Variants in BIVM observed in about 807,000 individuals in gnomAD.
The protein encoded by BIVM is basic, immunoglobulin-like variable motif containing, also known as basic immunoglobulin-like variable motif-containing protein.
In BIVM, 31 loss-of-function variants were observed where a neutral mutation model predicts 61.4. The ratio of observed to expected loss-of-function variants is 0.51; its 90% CI spans 0.38 to 0.68. BIVM has a LOEUF of 0.68. BIVM is among the 30% of genes least tolerant of loss of function. BIVM has a pLI of 0.00. For synonymous variants in BIVM, 189 were observed against 210.7 expected (o/e 0.90, Z 0.89); for missense variants, 526 against 596.0 (o/e 0.88, Z 1.22).
intron 8 of BIVM, among the ~76,000 whole-genome samples, chr13:102,833,819 C>A (rs148597199): frequency 1.1e-4 from 17 of 152,302 alleles, no homozygotes; most frequent in Admixed American, 1.1e-3. Context: ...CTTTATTCAT[C>A]TTTCTGGAGG....
At chr13:102,808,165 T>G (rs984810270) in intron 3 of BIVM, among the ~76,000 whole-genome samples, 13 of 152,182 alleles carry the variant, frequency 8.5e-5, no homozygotes, top group African/African-American at 3.1e-4. Flanking sequence ...TTGTTAAAAT[T>G]TTTTAGGCAC....
At chr13:102,831,040 T>C (rs1881030440) in intron 7 of BIVM, among the ~76,000 whole-genome samples, 1 of 152,244 alleles carries the variant, frequency 6.6e-6, no homozygotes, top group African/African-American at 2.4e-5. Context: ...TTTATTCATA[T>C]ACATCAGTAG....
chr13:102,818,648 C>T (rs1014569320), intron 4 of BIVM, among the ~76,000 whole-genome samples: 2 of 152,010 alleles, frequency 1.3e-5, no homozygotes, highest in African/African-American at 2.4e-5. Context: ...GGAGAAATGC[C>T]CTGAGGGGAA....
chr13:102,834,954 T>G (rs1038652310), intron 9 of BIVM, among the ~76,000 whole-genome samples: 1 of 152,238 alleles, frequency 6.6e-6, no homozygotes, highest in African/African-American at 2.4e-5. Flanking sequence ...TTTTCCATTT[T>G]CCTGTTGATG....
At chr13:102,831,055 T>C (rs889264221) in intron 7 of BIVM, among the ~76,000 whole-genome samples, 2 of 152,252 alleles carry the variant, frequency 1.3e-5, no homozygotes, top group Non-Finnish European at 2.9e-5. Context: ...CAGTAGTTTT[T>C]TAAGTTGGGA....
At chr13:102,818,650 T>G (rs1299168663) in intron 4 of BIVM, among the ~76,000 whole-genome samples, 1 of 152,192 alleles carries the variant, frequency 6.6e-6, no homozygotes, top group Non-Finnish European at 1.5e-5. Context: ...AGAAATGCCC[T>G]GAGGGGAAAA....
intron 9 of BIVM, among the ~76,000 whole-genome samples, chr13:102,835,312 C>T (rs964143199): frequency 2.0e-5 from 3 of 152,018 alleles, no homozygotes; most frequent in Non-Finnish European, 2.9e-5. Context: ...ATCTGGGTGA[C>T]AGAACGAGAT....
In BIVM at chr13:102,799,712, C is replaced by G. The variant is rs112067426; in HGVS notation, c.-207+191C>G. Among the ~76,000 whole-genome samples, 195 of 152,366 alleles carry G rather than the reference C, an allele frequency of 1.3e-3. 2 individuals are homozygous for G. Among genetic ancestry groups the G allele is most frequent in the African/African-American group, 4.5e-3 (188 of 41,590 alleles). ...GCCAGGGGTCATCGCCTCTCCGAGCCCCGTGGCGTCCAGATGGAGGCCACT... is the reference window on the plus strand; with the variant it reads ...GCCAGGGGTCATCGCCTCTCCGAGCGCCGTGGCGTCCAGATGGAGGCCACT... On this transcript the variant is annotated intron_variant, in intron 1 of 10. Coordinates refer to ENST00000257336, the MANE Select transcript of BIVM (RefSeq NM_017693.4).
intron 3 of BIVM, among the ~76,000 whole-genome samples, chr13:102,810,794 G>T (rs1595337074): frequency 6.6e-6 from 1 of 152,118 alleles, no homozygotes; most frequent in African/African-American, 2.4e-5. Flanking sequence ...GCAGTGGCAC[G>T]ACCATGGCTT....
intron 7 of BIVM, among the ~76,000 whole-genome samples, chr13:102,825,196 C>T (rs1049185930): frequency 6.6e-6 from 1 of 152,158 alleles, no homozygotes; most frequent in South Asian, 2.1e-4. Context: ...CCGCCCGCCT[C>T]GGCCTCCCAA....
At chr13:102,830,268 C>A (rs1294814623) in intron 7 of BIVM, among the ~76,000 whole-genome samples, 6 of 152,182 alleles carry the variant, frequency 3.9e-5, no homozygotes, top group Non-Finnish European at 7.3e-5. Flanking sequence ...CCTTGGCTCT[C>A]TTCTGCGGCC....
intron 9 of BIVM, 108 bp from the exon 10 acceptor site, chr13:102,838,535 C>A: frequency 1.2e-6 from 1 of 818,018 alleles, no homozygotes. Flanking sequence ...GAATTACTGC[C>A]AATTATTGCT....
intron 4 of BIVM, among the ~76,000 whole-genome samples, chr13:102,817,420 G>A (rs920265485): frequency 6.6e-6 from 1 of 152,124 alleles, no homozygotes. Flanking sequence ...ACATCAGAAG[G>A]CACATGGTAT....
In BIVM at chr13:102,807,554, A is replaced by G. The variant is rs139521375; in HGVS notation, c.287A>G (p.Asp96Gly). Residue 96 changes from aspartate (D) to glycine (G), a missense_variant, in exon 3 of 11, where the codon GAT (aspartate) becomes GGT (glycine). Transcript: ENST00000257336. The surrounding 1 kb of genome is among the most constrained non-coding windows in gnomAD (Gnocchi z 4.0). ...PNPSRSPCLP[D>G]STSLSAGNNS... ...CCATCCCGCTCTCCTTGCCTCCCTG[A>G]TAGTACCTCTTTATCTGCTGGAAAT... is the stretch of plus-strand genomic sequence containing the variant. The G allele has an allele frequency of 5.0e-6, 8 of 1,614,092 alleles. No homozygotes were observed. The African/African-American group carries it at 9.3e-5, about 19-fold the overall frequency.
At chr13:102,828,655 C>G (rs893286276) in intron 7 of BIVM, among the ~76,000 whole-genome samples, 2 of 152,210 alleles carry the variant, frequency 1.3e-5, no homozygotes, top group African/African-American at 4.8e-5. Context: ...TGCTTGCTTA[C>G]AGCATAAACT....
At chr13:102,802,745 C>CTT (rs35905954) in intron 1 of BIVM, among the ~76,000 whole-genome samples, 9 of 132,142 alleles carry the variant, frequency 6.8e-5, no homozygotes, top group Non-Finnish European at 1.1e-4. Flanking sequence ...TCTCTCTTTC[C>CTT]TTTTTTTTTT....
chr13:102,811,813 G>C (rs1027117446), intron 3 of BIVM, among the ~76,000 whole-genome samples: 5 of 152,194 alleles, frequency 3.3e-5, no homozygotes, highest in African/African-American at 9.6e-5. Context: ...GTGAGCCACC[G>C]TGCCCAGCCT....
At chr13:102,827,346 G>A (rs868794235) in intron 7 of BIVM, among the ~76,000 whole-genome samples, 1 of 151,422 alleles carries the variant, frequency 6.6e-6, no homozygotes, top group South Asian at 2.1e-4. Context: ...TTGAGGAATG[G>A]GATAAACTAC....
chr13:102,811,411 C>T (rs965580218), intron 3 of BIVM, among the ~76,000 whole-genome samples: 3 of 152,220 alleles, frequency 2.0e-5, no homozygotes, highest in Admixed American at 1.3e-4. Flanking sequence ...CCACTTCCTT[C>T]TGGCTTCCAA....
Sources: allele counts gnomAD v4.1 joint callset (sites outside exome capture counted in the v4.1 genomes callset), GRCh38; gene constraint gnomAD v4.1.1; non-coding constraint Gnocchi (gnomAD v3.1); transcripts MANE v1.5; gene names NCBI Gene and HGNC (gene_info 2026-07-23, HGNC 2026-07-21).